Variants in LNX1 observed in about 807,000 individuals in gnomAD.
LNX1 encodes ligand of numb-protein X 1.
LNX1 carries 54 observed loss-of-function variants against 68.4 expected under a neutral mutation model. That is an observed-to-expected ratio of 0.79 (90% CI 0.63 to 0.99). The LOEUF is 0.99. Among genes scored for constraint, LNX1 ranks in the 50% least tolerant of loss-of-function variants. The pLI is 0.00. For synonymous variants in LNX1, 336 were observed against 350.0 expected (o/e 0.96, Z 0.45); for missense variants, 906 against 926.4 (o/e 0.98, Z 0.29).
rs141828494 is a variant in LNX1, at chr4:53,584,998, A to G, written c.-87+6390T>C. Among the ~76,000 whole-genome samples the G allele has an allele frequency of 1.5e-3, 224 of 152,244 alleles. 1 individual carries two copies. The highest frequency in any genetic ancestry group is 2.2e-3 in the Non-Finnish European group (150 of 68,014). Reference sequence around the variant, plus strand: ...TTTATCTTTGTCTTTGGTTCTTCCAATTGTCTTCCTGGGTAGTCCAGATGG... The same window carrying G: ...TTTATCTTTGTCTTTGGTTCTTCCAGTTGTCTTCCTGGGTAGTCCAGATGG... On this transcript the variant is annotated intron_variant, in intron 1 of 10. Coordinates refer to ENST00000263925, the MANE Select transcript of LNX1 (RefSeq NM_001126328.3).
At chr4:53,461,667 CTCCAT>C in intron 9 of LNX1, 74 bp from the exon 10 acceptor site, 1 of 1,186,596 alleles carries the variant, frequency 8.4e-7, no homozygotes, top group Non-Finnish European at 1.2e-6. Flanking sequence ...GTGACTCATC[CTCCAT>C]TCCTTTTGTT....
chr4:53,557,854 C>T (rs368096605), intron 2 of LNX1: 87 of 1,612,354 alleles, frequency 5.4e-5, no homozygotes, highest in African/African-American at 1.6e-4. Context: ...CACACAGGCA[C>T]GGACAGAGAG....
chr4:53,619,714 C>T (rs922558202), upstream of LNX1, among the ~76,000 whole-genome samples: 2 of 152,144 alleles, frequency 1.3e-5, no homozygotes, highest in African/African-American at 4.8e-5. Context: ...TTCAATTCTA[C>T]TGGACATAAA....
intron 1 of LNX1, chr4:53,652,020 T>TGTGTGAGAGAGAGA (rs1299346353): frequency 2.4e-4 from 26 of 106,998 alleles, no homozygotes; most frequent in Non-Finnish European, 3.7e-4. Flanking sequence ...TGTGTGTGTG[T>TGTGTGAGAGAGAGA]GAGAGAGAGA....
intron 2 of LNX1, among the ~76,000 whole-genome samples, chr4:53,518,244 C>T (rs192369595): frequency 6.6e-6 from 1 of 152,278 alleles, no homozygotes; most frequent in Admixed American, 6.5e-5. Flanking sequence ...AGCACACTGA[C>T]TTGGTTTACC....
intron 2 of LNX1, among the ~76,000 whole-genome samples, chr4:53,573,365 T>C (rs11728424): frequency 0.015 from 2,315 of 152,324 alleles, 26 homozygotes; most frequent in Non-Finnish European, 0.026. Context: ...CTGAACTGTA[T>C]ACTCATAGTG....
At chr4:53,602,464 C>T (rs954488134) in intron 2 of LNX1, among the ~76,000 whole-genome samples, 2 of 152,174 alleles carry the variant, frequency 1.3e-5, no homozygotes, top group African/African-American at 4.8e-5. Flanking sequence ...TAGGGTCCTG[C>T]AGCACTCAGT....
At chr4:53,648,854 C>T (rs1734987062) in intron 1 of LNX1, among the ~76,000 whole-genome samples, 1 of 152,178 alleles carries the variant, frequency 6.6e-6, no homozygotes, top group Admixed American at 6.5e-5. Context: ...TTGAATTTCC[C>T]TCCAGCTTTG....
At chr4:53,556,016 T>C (rs778810129) in intron 2 of LNX1, among the ~76,000 whole-genome samples, 1 of 152,170 alleles carries the variant, frequency 6.6e-6, no homozygotes, top group African/African-American at 2.4e-5. Flanking sequence ...AGTGGAGTGG[T>C]GGCCCCCAAA....
At chr4:53,571,720 T>C (rs1396546430) in intron 2 of LNX1, among the ~76,000 whole-genome samples, 2 of 152,232 alleles carry the variant, frequency 1.3e-5, no homozygotes, top group African/African-American at 4.8e-5. Context: ...TGGAGTGCAG[T>C]AGCGCATCAC....
chr4:53,499,517 C>T (rs749250997), intron 4 of LNX1, among the ~76,000 whole-genome samples: 10 of 152,202 alleles, frequency 6.6e-5, no homozygotes, highest in Non-Finnish European at 1.2e-4. Flanking sequence ...CATAAACTCT[C>T]GCTGTTCCAT....
intron 9 of LNX1, among the ~76,000 whole-genome samples, chr4:53,468,947 C>G (rs189899195): frequency 6.6e-6 from 1 of 152,270 alleles, no homozygotes. Flanking sequence ...AGAAAGTTAA[C>G]AAGGATATCC....
At chr4:53,463,374 C>T (rs1183913725) in intron 9 of LNX1, among the ~76,000 whole-genome samples, 2 of 151,892 alleles carry the variant, frequency 1.3e-5, no homozygotes, top group Non-Finnish European at 1.5e-5. Flanking sequence ...AAAAAGTAAA[C>T]GCCTTCTTTT....
chr4:53,570,659 T>TAAA (rs1560673223), intron 2 of LNX1, among the ~76,000 whole-genome samples: 1 of 131,660 alleles, frequency 7.6e-6, no homozygotes, highest in Non-Finnish European at 1.6e-5. Context: ...AAACTTAAAG[T>TAAA]ATAATAATAA....
intron 2 of LNX1, among the ~76,000 whole-genome samples, chr4:53,520,934 C>T (rs1439367635): frequency 1.3e-5 from 2 of 152,152 alleles, no homozygotes; most frequent in African/African-American, 4.8e-5. Flanking sequence ...TGCACTCCAG[C>T]CTGGGCAATG....
intron 1 of LNX1, among the ~76,000 whole-genome samples, chr4:53,632,460 T>A (rs1253960937): frequency 6.6e-6 from 1 of 152,212 alleles, no homozygotes; most frequent in East Asian, 1.9e-4. Flanking sequence ...ACACTCTTGC[T>A]TCAGCCAAGA....
intron 1 of LNX1, among the ~76,000 whole-genome samples, chr4:53,591,136 G>A (rs1342959496): frequency 6.6e-6 from 1 of 152,178 alleles, no homozygotes; most frequent in East Asian, 1.9e-4. Context: ...CAAGTACGAG[G>A]ACAAGCACAG....
intron 2 of LNX1, among the ~76,000 whole-genome samples, chr4:53,512,693 C>T (rs1407291347): frequency 1.3e-5 from 2 of 152,144 alleles, no homozygotes; most frequent in East Asian, 3.9e-4. Flanking sequence ...GACACTCAGT[C>T]CTAATTTATG....
intron 1 of LNX1, among the ~76,000 whole-genome samples, chr4:53,643,571 G>C (rs191006095): frequency 1.3e-5 from 2 of 152,296 alleles, no homozygotes; most frequent in East Asian, 3.9e-4. Flanking sequence ...TAGACACAGA[G>C]ATAGGGTAAC....
Sources: gnomAD v4.1 joint callset for allele counts (sites outside exome capture counted in the v4.1 genomes callset) on GRCh38, gnomAD v4.1.1 for gene constraint, MANE v1.5 for transcripts, NCBI Gene and HGNC (gene_info 2026-07-23, HGNC 2026-07-21) for gene names.